The following PRKCH variants were observed in gnomAD, a reference collection of about 807,000 sequenced individuals.
PRKCH encodes the protein protein kinase C eta, also known as protein kinase C eta type.
Under a neutral mutation model 82.5 loss-of-function variants are expected in PRKCH, and 28 were observed. The observed-to-expected ratio is 0.34, with a 90% CI of 0.25 to 0.47. The LOEUF is 0.47. Among genes scored for constraint, PRKCH ranks in the 20% least tolerant of loss-of-function variants. PRKCH has a pLI of 1.00. For synonymous variants in PRKCH, 322 were observed against 327.4 expected (o/e 0.98, Z 0.18); for missense variants, 705 against 881.8 (o/e 0.80, Z 2.54).
chr14:61,425,510 C>G (rs1883060981), intron 2 of PRKCH, among the ~76,000 whole-genome samples: 2 of 152,198 alleles, frequency 1.3e-5, no homozygotes, highest in Admixed American at 1.3e-4. Context: ...CAATTTATCC[C>G]ATTTGGAATG....
At position 61,549,895 on chromosome 14, in the gene PRKCH, C is replaced by T. The variant is rs2043305971; in HGVS notation, c.*64C>T. 2 of 1,549,648 alleles carry T rather than the reference C, an allele frequency of 1.3e-6. No individual in the cohort carries two copies. The highest frequency in any genetic ancestry group is 1.4e-5 in the African/African-American group (1 of 72,930). On this transcript the variant is annotated 3_prime_UTR_variant, in exon 14 of 14. Transcript: ENST00000332981. ...GGGAATAGAGATTCTCCAGGAATTT[C>T]CTCTATGGGACCTTCCCAGCATCAG...
At chr14:61,259,644 A>C (rs1261927473) in intron 1 of PRKCH, among the ~76,000 whole-genome samples, 1 of 152,204 alleles carries the variant, frequency 6.6e-6, no homozygotes, top group Non-Finnish European at 1.5e-5. Flanking sequence ...ATACTGTGAG[A>C]AACACTAGCC....
intron 1 of PRKCH, among the ~76,000 whole-genome samples, chr14:61,215,081 C>T (rs1418946370): frequency 6.6e-6 from 1 of 152,000 alleles, no homozygotes; most frequent in Middle Eastern, 3.2e-3. Flanking sequence ...ATCCACAGAC[C>T]CTAGCACAGT....
At chr14:61,418,173 T>C (rs1882658771) in intron 2 of PRKCH, among the ~76,000 whole-genome samples, 1 of 152,212 alleles carries the variant, frequency 6.6e-6, no homozygotes, top group African/African-American at 2.4e-5. Flanking sequence ...ACGATGTAAG[T>C]GTACTTGTCA....
At position 61,192,018 on chromosome 14, in the gene PRKCH, TTGTGTGTGTG is replaced by T. The variant is rs67540297; in HGVS notation, c.-19+4369_-19+4378del. ...AGAATAAGAAATGTTTCCTAAAACA[TTGTGTGTGTG>T]TGTGTGTGTGTGTGTGTGCCTGAAA... On this transcript the variant is annotated intron_variant, in intron 1 of 3. Transcript: ENST00000555185. Among the ~76,000 whole-genome samples the T allele has an allele frequency of 4.7e-5, 7 of 148,722 alleles. 1 individual carries two copies. Among genetic ancestry groups the T allele is most frequent in the East Asian group, 2.0e-4 (1 of 5,044 alleles).
At chr14:61,248,314 CA>C (rs1210993993) in intron 1 of PRKCH, among the ~76,000 whole-genome samples, 1 of 152,128 alleles carries the variant, frequency 6.6e-6, no homozygotes, top group Non-Finnish European at 1.5e-5. Context: ...CCTCAACCAT[CA>C]AAATAATCTG....
rs71114196 is a variant in PRKCH, at chr14:61,207,106, C to CAAAAAAAA, written c.-19+19459_-19+19466dup. Among the ~76,000 whole-genome samples the CAAAAAAAA allele has an allele frequency of 4.9e-4, 24 of 49,156 alleles. 1 individual carries two copies. The highest frequency in any genetic ancestry group is 2.0e-3 in the African/African-American group (23 of 11,228). The allele number at this position is 49,156 out of a possible 152,430, so 32.2% of individuals were successfully genotyped here. A position where few individuals can be genotyped will look rare whatever the true frequency, so the allele number is the denominator to read the frequency against. ...GGGCAACCAGAGTGAAACTCCATCT[C>CAAAAAAAA]AAAAAAAAAAAAAAAAAAAAAAAAA... On this transcript the variant is annotated intron_variant, in intron 1 of 3. Transcript: ENST00000555185.
chr14:61,281,015 C>A (rs1441955793), intron 1 of PRKCH: 1 of 1,536,454 alleles, frequency 6.5e-7, no homozygotes, highest in Non-Finnish European at 8.7e-7. Context: ...CCGATGAAGG[C>A]CAGGCCCGCG....
chr14:61,210,263 G>A (rs1344367224), intron 1 of PRKCH, among the ~76,000 whole-genome samples: 4 of 151,214 alleles, frequency 2.6e-5, no homozygotes, highest in East Asian at 1.9e-4. Context: ...ACAGTAAGCC[G>A]AGATCGTGCC....
chr14:61,411,180 G>C (rs1882253488), intron 2 of PRKCH, among the ~76,000 whole-genome samples: 1 of 152,152 alleles, frequency 6.6e-6, no homozygotes, highest in Admixed American at 6.5e-5. Flanking sequence ...GAAGACACCA[G>C]CCTTCATGCT....
At chr14:61,348,506 T>C (rs1043653549) in intron 1 of PRKCH, among the ~76,000 whole-genome samples, 4 of 152,246 alleles carry the variant, frequency 2.6e-5, no homozygotes, top group African/African-American at 4.8e-5. Context: ...TTAGACTGTG[T>C]TTAGATGGAG....
At chr14:61,402,868 T>A (rs1594667518) in intron 2 of PRKCH, among the ~76,000 whole-genome samples, 1 of 151,000 alleles carries the variant, frequency 6.6e-6, no homozygotes, top group African/African-American at 2.4e-5. Context: ...TTAATTTATT[T>A]ATTTTATTTT....
intron 9 of PRKCH, among the ~76,000 whole-genome samples, chr14:61,484,178 A>C (rs184492721): frequency 6.6e-6 from 1 of 151,500 alleles, no homozygotes; most frequent in African/African-American, 2.4e-5. Context: ...GCCTTAGCTC[A>C]TGTTTCCCTT....
intron 9 of PRKCH, among the ~76,000 whole-genome samples, chr14:61,470,334 C>T (rs1465501987): frequency 1.1e-4 from 7 of 64,962 alleles, no homozygotes; most frequent in Non-Finnish European, 1.8e-4. Flanking sequence ...GCCACTTGCA[C>T]GATCTTTCTC....
intron 1 of PRKCH, among the ~76,000 whole-genome samples, chr14:61,367,774 G>A (rs1427054720): frequency 6.6e-6 from 1 of 150,684 alleles, no homozygotes; most frequent in Non-Finnish European, 1.5e-5. Context: ...GAGTGCAGTG[G>A]CGCAATCTCG....
At chr14:61,384,559 A>G (rs1410885548) in intron 1 of PRKCH, among the ~76,000 whole-genome samples, 2 of 152,006 alleles carry the variant, frequency 1.3e-5, no homozygotes, top group Non-Finnish European at 2.9e-5. Context: ...TAGCATTGCT[A>G]TTACTCAGCC....
At chr14:61,202,926 C>T (rs1355883245) in intron 1 of PRKCH, among the ~76,000 whole-genome samples, 2 of 152,126 alleles carry the variant, frequency 1.3e-5, no homozygotes, top group African/African-American at 4.8e-5. Context: ...GGTGTACATC[C>T]TATGGGTTTT....
intron 10 of PRKCH, 109 bp from the exon 11 acceptor site, chr14:61,528,966 G>GTGT: frequency 1.9e-6 from 2 of 1,076,254 alleles, no homozygotes; most frequent in Non-Finnish European, 2.5e-6. Context: ...GGCCGCATGT[G>GTGT]GCCGCACGTG....
In PRKCH at chr14:61,373,932, A is replaced by C. The variant is rs942441617; in HGVS notation, c.364-17293A>C. Among the ~76,000 whole-genome samples, 8 of 152,268 alleles carry C rather than the reference A, an allele frequency of 5.3e-5. No individual in the cohort carries two copies. The South Asian group carries it at 1.7e-3, about 32-fold the overall frequency. ...CACCAAAGTATGAACTCATTGCAGC[A>C]TTAATGAGTCCGCAATCCAAAGTCT... On this transcript the variant is annotated intron_variant, in intron 1 of 13. Coordinates refer to ENST00000332981, the MANE Select transcript of PRKCH (RefSeq NM_006255.5).
Sources: allele counts gnomAD v4.1 joint callset (sites outside exome capture counted in the v4.1 genomes callset), GRCh38; gene constraint gnomAD v4.1.1; transcripts MANE v1.5; gene names NCBI Gene and HGNC (gene_info 2026-07-23, HGNC 2026-07-21).